The following WASF3 variants were observed in gnomAD, a reference collection of about 807,000 sequenced individuals.
WASF3 encodes the protein actin-binding protein WASF3.
WASF3 carries 11 observed loss-of-function variants against 46.6 expected under a neutral mutation model. The ratio of observed to expected loss-of-function variants is 0.24; its 90% CI spans 0.15 to 0.39. WASF3 has a LOEUF of 0.39. WASF3 is among the 10% of genes least tolerant of loss of function. The pLI is 1.00. For missense variants in WASF3, 576 were observed against 669.8 expected (o/e 0.86, Z 1.55); for synonymous variants, 242 against 259.7 (o/e 0.93, Z 0.65).
At chr13:26,633,979 GGA>G (rs1016332597) in intron 2 of WASF3, among the ~76,000 whole-genome samples, 2 of 152,190 alleles carry the variant, frequency 1.3e-5, no homozygotes, top group African/African-American at 4.8e-5. Flanking sequence ...GATTTGGGGT[GGA>G]GAGTTCTGTA....
intron 1 of WASF3, among the ~76,000 whole-genome samples, chr13:26,563,650 A>T (rs1203428909): frequency 1.3e-4 from 12 of 91,496 alleles, no homozygotes; most frequent in African/African-American, 5.7e-4. Flanking sequence ...GTGAGACTCC[A>T]TCTCAAAAAA....
intron 1 of WASF3, among the ~76,000 whole-genome samples, chr13:26,591,048 G>A (rs930309750): frequency 5.9e-5 from 9 of 151,780 alleles, no homozygotes; most frequent in Non-Finnish European, 1.0e-4. Flanking sequence ...TGGGTGGGGC[G>A]GAACATTCCA....
intron 3 of WASF3, among the ~76,000 whole-genome samples, chr13:26,655,134 G>A (rs1250717196): frequency 6.6e-6 from 1 of 152,070 alleles, no homozygotes. Flanking sequence ...ACAAATGCAT[G>A]TATGCATATA....
chr13:26,600,803 A>G (rs576524785), intron 1 of WASF3, among the ~76,000 whole-genome samples: 1 of 152,112 alleles, frequency 6.6e-6, no homozygotes, highest in Non-Finnish European at 1.5e-5. Context: ...ACACTGTCGC[A>G]GCACTGTAGA....
At chr13:26,673,902 C>T (rs1278710795) in intron 6 of WASF3, among the ~76,000 whole-genome samples, 2 of 152,088 alleles carry the variant, frequency 1.3e-5, no homozygotes, top group African/African-American at 4.8e-5. Context: ...AGGTGTCATG[C>T]AGGCTGGGTT....
chr13:26,605,315 T>C (rs1463938251), intron 1 of WASF3, among the ~76,000 whole-genome samples: 1 of 152,218 alleles, frequency 6.6e-6, no homozygotes, highest in Non-Finnish European at 1.5e-5. Context: ...TATTTTATCT[T>C]TTTATGCCCG....
chr13:26,582,625 C>T (rs928401654), intron 1 of WASF3, among the ~76,000 whole-genome samples: 3 of 121,108 alleles, frequency 2.5e-5, no homozygotes, highest in East Asian at 5.2e-4. Context: ...TGCAGTGAGC[C>T]GAGATCATAC....
rs144837039 is a variant in WASF3 at position 26,622,727 on chromosome 13, A to T, written c.-11+9669A>T. The T allele has an allele frequency of 3.9e-5, 6 of 152,268 alleles. No homozygotes were observed. In the East Asian group the frequency reaches 1.2e-3, roughly 29 times the overall value. The allele number at this position is 152,268 out of a possible 1,614,324, so 9.4% of individuals were successfully genotyped here. A position where few individuals can be genotyped will look rare whatever the true frequency, so the allele number is the denominator to read the frequency against. The stretch of plus-strand genomic sequence containing the variant: ...GAGATGGAGGTTGCAGTGAGCCAAG[A>T]TCGCACCAGTGCACTGCAGCTTGGG... On this transcript the variant is annotated intron_variant, in intron 2 of 9. Coordinates refer to ENST00000335327, the MANE Select transcript of WASF3 (RefSeq NM_006646.6).
At chr13:26,601,460 A>C (rs1880640156) in intron 1 of WASF3, among the ~76,000 whole-genome samples, 1 of 152,210 alleles carries the variant, frequency 6.6e-6, no homozygotes, top group African/African-American at 2.4e-5. Flanking sequence ...TGAAAGAAGC[A>C]TCTTGTCACT....
chr13:26,642,301 C>T lies in WASF3; in HGVS notation c.31C>T (p.Arg11Trp), dbSNP rs1478789052. The T allele has an allele frequency of 1.0e-5, 16 of 1,594,782 alleles. No individual in the cohort carries two copies. The highest frequency in any genetic ancestry group is 1.7e-4 in the Middle Eastern group (1 of 5,986). MPLVKRNIEP[R>W]HLCRGALPEG... ...TTTAGTGAAGAGGAACATTGAGCCCCGGCACTTGTGCCGGGGAGCTCTGCC... is the reference window on the plus strand; with the variant it reads ...TTTAGTGAAGAGGAACATTGAGCCCTGGCACTTGTGCCGGGGAGCTCTGCC... The change falls in exon 3 of 10, where the codon CGG becomes TGG. Residue 11 changes from arginine (R) to tryptophan (W), a missense_variant. Around this residue, in one of 3 missense-constraint regions of WASF3, gnomAD observed 213 missense variants for 278.0 expected, o/e 0.77. Coordinates refer to ENST00000335327, the MANE Select transcript of WASF3 (RefSeq NM_006646.6).
At chr13:26,591,080 A>G (rs886373519) in intron 1 of WASF3, among the ~76,000 whole-genome samples, 1 of 151,622 alleles carries the variant, frequency 6.6e-6, no homozygotes, top group Non-Finnish European at 1.5e-5. Context: ...AGCAAGTGCA[A>G]AGGTCTTGGT....
intron 2 of WASF3, chr13:26,626,206 T>C (rs999036705): frequency 3.9e-5 from 6 of 152,072 alleles, no homozygotes; most frequent in African/African-American, 1.2e-4. Flanking sequence ...AGTGAGAGGG[T>C]CAGTGGATGG....
intron 2 of WASF3, among the ~76,000 whole-genome samples, chr13:26,616,685 A>C (rs1289077461): frequency 6.6e-6 from 1 of 152,098 alleles, no homozygotes; most frequent in Non-Finnish European, 1.5e-5. Context: ...ATTTTCTGGC[A>C]GGGCACTTAG....
At chr13:26,571,506 C>T (rs1013404563) in intron 1 of WASF3, among the ~76,000 whole-genome samples, 3 of 152,032 alleles carry the variant, frequency 2.0e-5, no homozygotes, top group Admixed American at 1.3e-4. Context: ...TCATCTTTAC[C>T]CAGTTATTAG....
chr13:26,600,353 C>G (rs1372588459), intron 1 of WASF3, among the ~76,000 whole-genome samples: 1 of 152,206 alleles, frequency 6.6e-6, no homozygotes, highest in Non-Finnish European at 1.5e-5. Context: ...CTTCACTTCT[C>G]TGTTTCTTAG....
At chr13:26,652,921 G>GGT (rs1882356346) in intron 3 of WASF3, among the ~76,000 whole-genome samples, 1 of 152,124 alleles carries the variant, frequency 6.6e-6, no homozygotes. Flanking sequence ...TAGGGCCCTT[G>GGT]GTGTTGCTCA....
At position 26,687,723 on chromosome 13, in the gene WASF3, C is replaced by CTCTCTT. The variant is rs1555257029; in HGVS notation, c.*1879_*1880insCTCTTT. 5.4e-3 allele frequency: 746 copies of CTCTCTT among 139,092 alleles called. 9 individuals carry two copies. Among genetic ancestry groups the CTCTCTT allele is most frequent in the African/African-American group, 0.019 (706 of 37,676 alleles). 8.6% of individuals were successfully genotyped at this position (139,092 alleles called of 1,614,324 possible). A position where few individuals can be genotyped will look rare whatever the true frequency, so the allele number is the denominator to read the frequency against. On this transcript the variant is annotated 3_prime_UTR_variant, in exon 10 of 10. Coordinates refer to ENST00000335327, the MANE Select transcript of WASF3 (RefSeq NM_006646.6). ...AAATTTCTAATTTCTCTCTCTCTCT[C>CTCTCTT]TTTTTTTTTTTTTTGTTGTTGTTAA...
intron 3 of WASF3, among the ~76,000 whole-genome samples, chr13:26,657,760 G>A (rs1339016600): frequency 6.6e-6 from 1 of 152,216 alleles, no homozygotes; most frequent in Non-Finnish European, 1.5e-5. Context: ...GAAAGAGTGA[G>A]TAGAATTCAG....
At chr13:26,660,847 G>C (rs1051647174) in intron 3 of WASF3, among the ~76,000 whole-genome samples, 1 of 152,168 alleles carries the variant, frequency 6.6e-6, no homozygotes, top group Non-Finnish European at 1.5e-5. Context: ...TGATTGTGCA[G>C]GCTGTACAAG....
Sources: gnomAD v4.1 joint callset for allele counts (sites outside exome capture counted in the v4.1 genomes callset) on GRCh38, gnomAD v4.1.1 for gene constraint, gnomAD v4.1.1 regional missense constraint, MANE v1.5 for transcripts, NCBI Gene and HGNC (gene_info 2026-07-23, HGNC 2026-07-21) for gene names.